RAB33A: variants seen among roughly 807,000 people sequenced by gnomAD.
RAB33A encodes the protein ras-related protein Rab-33A.
A neutral mutation model predicts 12.0 loss-of-function variants in RAB33A; 6 were observed. That is an observed-to-expected ratio of 0.50 (90% CI 0.27 to 0.99). The LOEUF is 0.99. Ranked by LOEUF, RAB33A falls within the 50% of genes least tolerant of loss-of-function variation. The probability of loss-of-function intolerance (pLI) is 0.11; values close to 1 mark genes in which losing one functional copy is unlikely to be tolerated. For missense variants in RAB33A, 109 were observed against 192.0 expected (o/e 0.57, Z 2.55); for synonymous variants, 70 against 82.4 (o/e 0.85, Z 0.81).
intron 1 of RAB33A, among the ~76,000 whole-genome samples, chrX:130,183,331 G>A (rs1401530685): frequency 6.4e-5 from 7 of 108,729 alleles, no homozygotes; most frequent in Admixed American, 5.9e-4. Context: ...TGAGGCAGGC[G>A]GATCACGAGG....
intron 1 of RAB33A, among the ~76,000 whole-genome samples, chrX:130,180,826 G>A (rs973233769): frequency 2.9e-5 from 3 of 104,200 alleles, no homozygotes; most frequent in Non-Finnish European, 3.9e-5. Context: ...TGGCCAACAC[G>A]GCAAAACCCC....
the RAB33A span, among the ~76,000 whole-genome samples, chrX:130,161,045 T>C: frequency 9.0e-6 from 1 of 111,660 alleles, no homozygotes; most frequent in Non-Finnish European, 1.9e-5. Flanking sequence ...GTAGCTAAAC[T>C]AGCAAGTTCA....
At chrX:130,111,842 G>T in the RAB33A span, among the ~76,000 whole-genome samples, 1 of 111,926 alleles carries the variant, frequency 8.9e-6, no homozygotes, top group African/African-American at 3.2e-5. Context: ...CATCAATACC[G>T]CCGCCTACGT....
At chrX:130,155,936 A>C in the RAB33A span, among the ~76,000 whole-genome samples, 1 of 112,458 alleles carries the variant, frequency 8.9e-6, no homozygotes, top group Non-Finnish European at 1.9e-5. Flanking sequence ...CTCCATTCTA[A>C]AATCAGTGAT....
At chrX:130,158,554 T>A in the RAB33A span, among the ~76,000 whole-genome samples, 1 of 110,538 alleles carries the variant, frequency 9.0e-6, no homozygotes, top group Admixed American at 9.6e-5. Context: ...CTGTTGCTGC[T>A]GCTGCTGTTA....
At chrX:130,128,330 T>C in the RAB33A span, among the ~76,000 whole-genome samples, 13 of 111,519 alleles carry the variant, frequency 1.2e-4, no homozygotes, top group Non-Finnish European at 1.7e-4. Flanking sequence ...CCCAGCACTT[T>C]GGGAGGCCGA....
At chrX:130,172,917 A>G (rs1307533818) in intron 1 of RAB33A, among the ~76,000 whole-genome samples, 1 of 112,226 alleles carries the variant, frequency 8.9e-6, no homozygotes, top group Non-Finnish European at 1.9e-5. Flanking sequence ...CTTTTAAAGA[A>G]ATTGAGGCAG....
At chrX:130,119,917 A>G in the RAB33A span, among the ~76,000 whole-genome samples, 1 of 112,177 alleles carries the variant, frequency 8.9e-6, no homozygotes, top group Admixed American at 9.4e-5. Context: ...CACTCTGCCC[A>G]TAGATTTTAT....
the RAB33A span, chrX:130,147,453 A>G: frequency 8.3e-7 from 1 of 1,209,784 alleles, no homozygotes; most frequent in Non-Finnish European, 1.1e-6. Context: ...CTCTGTGCTT[A>G]GCTGAAGTTG....
At chrX:130,149,621 TGTAA>T in the RAB33A span, 1 of 857,280 alleles carries the variant, frequency 1.2e-6, no homozygotes, top group Non-Finnish European at 1.7e-6. Flanking sequence ...TAGCTCATAC[TGTAA>T]GTAATATTAT....
chrX:130,164,562 A>G, the RAB33A span, among the ~76,000 whole-genome samples: 2 of 112,023 alleles, frequency 1.8e-5, no homozygotes, highest in East Asian at 2.8e-4. Flanking sequence ...TTTCAAAGCA[A>G]CTCCTACAGG....
chrX:130,131,559 A>T, the RAB33A span: 1 of 1,059,589 alleles, frequency 9.4e-7, no homozygotes, highest in Non-Finnish European at 1.3e-6. Flanking sequence ...AAAGCACAAC[A>T]TGAAGAGAGG....
chrX:130,167,944 G>A (rs1160105553), upstream of RAB33A, among the ~76,000 whole-genome samples: 3 of 109,064 alleles, frequency 2.8e-5, no homozygotes, highest in Admixed American at 3.0e-4. Flanking sequence ...TTGGGAGGAC[G>A]AGTGGGAAGA....
the RAB33A span, chrX:130,138,464 CA>C: frequency 3.6e-4 from 185 of 517,369 alleles, no homozygotes; most frequent in Middle Eastern, 7.7e-4. Flanking sequence ...GACTCCATCT[CA>C]AAAAAAAATA....
chrX:130,171,493 T>C (rs1205233072), upstream of RAB33A, among the ~76,000 whole-genome samples: 1 of 112,251 alleles, frequency 8.9e-6, no homozygotes, highest in Non-Finnish European at 1.9e-5. Flanking sequence ...CCTCCCCAGC[T>C]GTGCTCCCTG....
At chrX:130,183,186 G>A (rs1197008874) in intron 1 of RAB33A, among the ~76,000 whole-genome samples, 1 of 108,403 alleles carries the variant, frequency 9.2e-6, no homozygotes, top group African/African-American at 3.4e-5. Flanking sequence ...GGGATTACAG[G>A]CATGAGCCAC....
chrX:130,177,807 A>G (rs1485907680), intron 1 of RAB33A, among the ~76,000 whole-genome samples: 1 of 111,447 alleles, frequency 9.0e-6, no homozygotes, highest in Non-Finnish European at 1.9e-5. Flanking sequence ...ACTATACCCC[A>G]TTGGCCATCT....
chrX:130,149,212 G>A, the RAB33A span, among the ~76,000 whole-genome samples: 526 of 111,466 alleles, frequency 4.7e-3, 1 homozygote, highest in African/African-American at 0.015. Context: ...GTGAGCCACC[G>A]TGCCCAGCCA....
At chrX:130,137,838 G>A in the RAB33A span, 9 of 729,639 alleles carry the variant, frequency 1.2e-5, no homozygotes, top group Non-Finnish European at 1.5e-5. Flanking sequence ...CGAGGTGGGT[G>A]GATCACCTGA....
Sources: allele counts gnomAD v4.1 joint callset (sites outside exome capture counted in the v4.1 genomes callset), GRCh38; gene constraint gnomAD v4.1.1; transcripts MANE v1.5; gene names NCBI Gene and HGNC (gene_info 2026-07-23, HGNC 2026-07-21).